The following MARCHF8 variants were observed in gnomAD, a reference collection of about 807,000 sequenced individuals.
MARCHF8 encodes the protein membrane associated ring-CH-type finger 8.
Under a neutral mutation model 51.6 loss-of-function variants are expected in MARCHF8, and 40 were observed. The ratio of observed to expected loss-of-function variants is 0.77; its 90% confidence interval spans 0.60 to 1.01. The LOEUF (loss-of-function observed/expected upper bound fraction) is 1.01, where lower values mean the gene tolerates loss of function less well. Among genes scored for constraint, MARCHF8 ranks in the 50% least tolerant of loss-of-function variants. MARCHF8 has a pLI of 0.00. For missense variants in MARCHF8, 685 were observed against 708.6 expected, an observed-to-expected ratio of 0.97 and a Z score of 0.38; for synonymous variants, 263 against 280.3, an observed-to-expected ratio of 0.94 and a Z score of 0.62.
chr10:45,492,155 G>A (rs944076621), intron 2 of MARCHF8, among the ~76,000 whole-genome samples: 2 of 152,144 alleles, frequency 1.3e-5, no homozygotes, highest in African/African-American at 4.8e-5. Context: ...AAACACAGGG[G>A]TTTTAAAGCC....
At chr10:45,568,115 C>G (rs113478021) in intron 1 of MARCHF8, among the ~76,000 whole-genome samples, 1 of 152,068 alleles carries the variant, frequency 6.6e-6, no homozygotes, top group Non-Finnish European at 1.5e-5. Flanking sequence ...GATTTTGGTA[C>G]GTTAATTTTG....
intron 1 of MARCHF8, among the ~76,000 whole-genome samples, chr10:45,591,708 A>G (rs1476122860): frequency 2.0e-5 from 3 of 152,016 alleles, no homozygotes; most frequent in Non-Finnish European, 4.4e-5. Flanking sequence ...AGTTCAAAGT[A>G]AATATAAAGG....
At chr10:45,482,143 C>T (rs1223582931) in intron 3 of MARCHF8, among the ~76,000 whole-genome samples, 2 of 152,076 alleles carry the variant, frequency 1.3e-5, no homozygotes, top group East Asian at 3.8e-4. Flanking sequence ...AACTACAAAA[C>T]ACTGATAAAA....
Position 45,463,138 on chromosome 10 carries a change from C to A in MARCHF8, c.1088+13G>T. On this transcript the variant is annotated intron_variant, in intron 5 of 7. Transcript: ENST00000453424. The stretch of plus-strand genomic sequence containing the variant: ...GCAGAGATGGCTAGAATGGCACTTC[C>A]TGGCAAACCAACCTGCAGACATCCC... 1 of 1,543,094 alleles carries A rather than the reference C, an allele frequency of 6.5e-7. No homozygotes were observed.
chr10:45,472,925 C>T (rs529209174), intron 3 of MARCHF8, among the ~76,000 whole-genome samples: 1 of 152,194 alleles, frequency 6.6e-6, no homozygotes, highest in Non-Finnish European at 1.5e-5. Context: ...AATAAATATC[C>T]TGTTTTGGGA....
chr10:45,489,705 T>C (rs1232951080), intron 2 of MARCHF8, among the ~76,000 whole-genome samples: 1 of 152,160 alleles, frequency 6.6e-6, no homozygotes, highest in Non-Finnish European at 1.5e-5. Flanking sequence ...CAAAATAAGA[T>C]GGTAATAAGT....
intron 1 of MARCHF8, among the ~76,000 whole-genome samples, chr10:45,562,675 T>C (rs1001672214): frequency 5.3e-5 from 8 of 152,072 alleles, no homozygotes; most frequent in Admixed American, 2.6e-4. Flanking sequence ...CAAAAGAATA[T>C]ACTGTAGCAA....
At chr10:45,470,989 GCT>G (rs2042679040) in intron 3 of MARCHF8, among the ~76,000 whole-genome samples, 1 of 152,154 alleles carries the variant, frequency 6.6e-6, no homozygotes, top group East Asian at 1.9e-4. Flanking sequence ...TCTGTGGCTT[GCT>G]CTGATAAATA....
chr10:45,566,401 C>CAGCGAAGG (rs2044364823), intron 1 of MARCHF8, among the ~76,000 whole-genome samples: 1 of 152,046 alleles, frequency 6.6e-6, no homozygotes, highest in South Asian at 2.1e-4. Context: ...ATTAACAATC[C>CAGCGAAGG]TACTTTCCCT....
chr10:45,545,978 G>A (rs560422402), intron 1 of MARCHF8, among the ~76,000 whole-genome samples: 13 of 152,212 alleles, frequency 8.5e-5, no homozygotes, highest in Admixed American at 6.5e-4. Context: ...TGAAAGCTCT[G>A]AGAAATTTCA....
At chr10:45,480,103 G>T (rs1326370601) in intron 3 of MARCHF8, among the ~76,000 whole-genome samples, 1 of 152,238 alleles carries the variant, frequency 6.6e-6, no homozygotes, top group Non-Finnish European at 1.5e-5. Flanking sequence ...TTAGCAAAGA[G>T]ACTGGCAGCA....
At position 45,464,005 on chromosome 10, in the gene MARCHF8, A is replaced by G. The variant is rs773685893; in HGVS notation, c.243-9T>C. ...AAAACACTGCACTGGAACTGCATGC[A>G]GAACAGTGGGATAAAAGCACAGAAA... On this transcript the variant is annotated splice_polypyrimidine_tract_variant and intron_variant, in intron 4 of 7. Transcript: ENST00000453424. 7 of 1,523,538 alleles carry G rather than the reference A, an allele frequency of 4.6e-6. No homozygotes were observed. The South Asian group carries it at 8.5e-5, about 19-fold the overall frequency. 94.4% of individuals were successfully genotyped at this position (1,523,538 alleles called of 1,614,324 possible). A position where few individuals can be genotyped will look rare whatever the true frequency, so the allele number is the denominator to read the frequency against.
intron 2 of MARCHF8, among the ~76,000 whole-genome samples, chr10:45,506,170 A>G (rs1214606956): frequency 1.3e-5 from 2 of 152,186 alleles, no homozygotes. Flanking sequence ...GAAAATAAGG[A>G]GGTTGAAGAT....
At chr10:45,568,302 A>ACTGC (rs2044387487) in intron 1 of MARCHF8, among the ~76,000 whole-genome samples, 1 of 152,196 alleles carries the variant, frequency 6.6e-6, no homozygotes, top group South Asian at 2.1e-4. Flanking sequence ...GACTTCTAGT[A>ACTGC]CTGCATTGAA....
chr10:45,473,351 C>T (rs2042728866), intron 3 of MARCHF8, among the ~76,000 whole-genome samples: 1 of 152,230 alleles, frequency 6.6e-6, no homozygotes, highest in East Asian at 1.9e-4. Context: ...GTCTGCAAGG[C>T]CCCAGCCTTG....
chr10:45,519,941 A>T (rs1198846362), intron 2 of MARCHF8, among the ~76,000 whole-genome samples: 1 of 152,230 alleles, frequency 6.6e-6, no homozygotes, highest in East Asian at 1.9e-4. Flanking sequence ...AATGTCATGA[A>T]CAAATAAGAG....
At chr10:45,458,852 A>C (rs1156393325) in intron 7 of MARCHF8, among the ~76,000 whole-genome samples, 3 of 152,208 alleles carry the variant, frequency 2.0e-5, no homozygotes, top group African/African-American at 7.2e-5. Context: ...GTCAAAGAAG[A>C]GTGGAAGACA....
chr10:45,489,393 T>C lies in MARCHF8; in HGVS notation c.127A>G (p.Met43Val), dbSNP rs112911683. Reference protein sequence around the residue: ...EQNEKTLGHFMSHSSNISKAG... With the variant: ...EQNEKTLGHFVSHSSNISKAG... ...TTAGAAATGTTGCTTGAATGACTCA[T>C]GAAATGTCCCAAAGTCTTCTCATTC... Residue 43 changes from methionine to valine, a missense_variant, in exon 3 of 8, where the codon ATG (methionine) becomes GTG (valine). Physicochemically the swap from Met to Val is conservative, Grantham distance 21. Coordinates refer to ENST00000453424, the MANE Select transcript of MARCHF8 (RefSeq NM_001282866.2). The C allele has an allele frequency of 1.2e-6, 2 of 1,613,028 alleles. No individual in the cohort carries two copies. The highest frequency in any genetic ancestry group is 1.7e-6 in the Non-Finnish European group (2 of 1,179,572).
chr10:45,576,974 G>GAAAAAAAAAAAAAA (rs58593536), intron 1 of MARCHF8, among the ~76,000 whole-genome samples: 1 of 120,410 alleles, frequency 8.3e-6, no homozygotes, highest in Non-Finnish European at 1.7e-5. Flanking sequence ...AAAGAGAAAA[G>GAAAAAAAAAAAAAA]AAAAAAAAAA....
Sources: gnomAD v4.1 joint callset for allele counts (sites outside exome capture counted in the v4.1 genomes callset) on GRCh38, gnomAD v4.1.1 for gene constraint, MANE v1.5 for transcripts, NCBI Gene and HGNC (gene_info 2026-07-23, HGNC 2026-07-21) for gene names.